The following VWDE variants were observed in gnomAD, a reference collection of about 807,000 sequenced individuals.
The protein encoded by VWDE is von Willebrand factor D and EGF domain-containing protein.
A neutral mutation model predicts 178.4 loss-of-function variants in VWDE; 207 were observed. That is an observed-to-expected ratio of 1.16 (90% CI 1.04 to 1.30). VWDE has a LOEUF of 1.30. Ranked by LOEUF, VWDE falls within the 50% of genes most tolerant of loss-of-function variation. The pLI, the probability that VWDE is intolerant of heterozygous loss-of-function variation, is 0.00. For missense variants in VWDE, 2,287 were observed against 1,901.3 expected, an observed-to-expected ratio of 1.20 and a Z score of -3.77; for synonymous variants, 738 against 651.4, an observed-to-expected ratio of 1.13 and a Z score of -2.02.
chr7:12,349,940 T>C (rs1010207630), intron 19 of VWDE, among the ~76,000 whole-genome samples: 5 of 151,710 alleles, frequency 3.3e-5, no homozygotes, highest in African/African-American at 1.2e-4. Context: ...TCTGGCAAAA[T>C]AAAAATGATG....
In VWDE at chr7:12,359,563, T is replaced by C; in HGVS notation, c.3274+15A>G. 2 of 1,481,744 alleles carry C rather than the reference T, an allele frequency of 1.3e-6. No individual in the cohort carries two copies. Among genetic ancestry groups the C allele is most frequent in the East Asian group, 4.9e-5 (2 of 40,432 alleles). 91.8% of individuals were successfully genotyped at this position (1,481,744 alleles called of 1,614,324 possible). A position where few individuals can be genotyped will look rare whatever the true frequency, so the allele number is the denominator to read the frequency against. ...CTTGTATAGGAAATATTTGGATTAA[T>C]AAAGAGTAACTTACTTTCTAAAAAT... On this transcript the variant is annotated intron_variant, in intron 16 of 28. Coordinates refer to ENST00000275358, the MANE Select transcript of VWDE (RefSeq NM_001135924.3).
At chr7:12,398,704 T>C (rs1023610025) in intron 1 of VWDE, among the ~76,000 whole-genome samples, 2 of 152,150 alleles carry the variant, frequency 1.3e-5, no homozygotes, top group African/African-American at 2.4e-5. Context: ...CATGCAGCAC[T>C]ATGAAGCCAT....
intron 5 of VWDE, 150 bp from the exon 6 acceptor site, chr7:12,379,716 T>C (rs1783735045): frequency 7.5e-6 from 4 of 533,424 alleles, no homozygotes; most frequent in Non-Finnish European, 1.2e-5. Context: ...TACTTGATAT[T>C]TCAGAAAAAT....
At chr7:12,355,335 G>A (rs1782173014) in intron 18 of VWDE, among the ~76,000 whole-genome samples, 1 of 150,864 alleles carries the variant, frequency 6.6e-6, no homozygotes, top group African/African-American at 2.4e-5. Context: ...AGAATGGCGT[G>A]AACCCAGGAG....
intron 4 of VWDE, among the ~76,000 whole-genome samples, chr7:12,381,184 TGAAA>T (rs1783836289): frequency 6.6e-6 from 1 of 152,212 alleles, no homozygotes; most frequent in Non-Finnish European, 1.5e-5. Flanking sequence ...TACTCTGGGC[TGAAA>T]GAGTTATTCA....
chr7:12,365,392 TGTGA>T (rs1199336386), intron 13 of VWDE, among the ~76,000 whole-genome samples: 7 of 152,148 alleles, frequency 4.6e-5, no homozygotes, highest in African/African-American at 1.7e-4. Flanking sequence ...ACAATTTTTC[TGTGA>T]GTATCAAGTT....
chr7:12,383,674 C>T, intron 3 of VWDE, 73 bp from the exon 4 acceptor site: 5 of 1,230,728 alleles, frequency 4.1e-6, no homozygotes, highest in Non-Finnish European at 4.6e-6. Flanking sequence ...TCCAAGATGA[C>T]AATTTATTGA....
At chr7:12,348,481 A>G (rs1453234445) in intron 19 of VWDE, among the ~76,000 whole-genome samples, 3 of 149,022 alleles carry the variant, frequency 2.0e-5, no homozygotes, top group East Asian at 2.0e-4. Context: ...AAAAATGCTC[A>G]TCATCACTGG....
intron 19 of VWDE, among the ~76,000 whole-genome samples, chr7:12,350,994 G>C (rs1306208032): frequency 6.6e-6 from 1 of 152,112 alleles, no homozygotes; most frequent in African/African-American, 2.4e-5. Flanking sequence ...AGAGTATTCA[G>C]TAAGGTGACA....
At chr7:12,343,009 C>G in intron 22 of VWDE, 74 bp downstream of exon 22, 1 of 1,121,820 alleles carries the variant, frequency 8.9e-7, no homozygotes, top group South Asian at 1.5e-5. Context: ...GGGTTCATTT[C>G]ACGTAGCATT....
chr7:12,350,277 AAC>A (rs141472899), intron 19 of VWDE, among the ~76,000 whole-genome samples: 2,465 of 152,108 alleles, frequency 0.016, 60 homozygotes, highest in African/African-American at 0.056. Flanking sequence ...TAATTGCATA[AAC>A]ACATAATATG....
At position 12,403,648 on chromosome 7, in the gene VWDE, A is replaced by T; in HGVS notation, c.58+11T>A. The stretch of plus-strand genomic sequence containing the variant: ...CTGCGCGCCCACCCCCGCGCGCCCT[A>T]CCTCGCTTACCTTCCCCCCAGGCCA... On this transcript the variant is annotated intron_variant, in intron 1 of 28. Coordinates refer to ENST00000275358, the MANE Select transcript of VWDE (RefSeq NM_001135924.3). 1 of 1,539,966 alleles carries T rather than the reference A, an allele frequency of 6.5e-7. No individual in the cohort carries two copies. The highest frequency in any genetic ancestry group is 8.7e-7 in the Non-Finnish European group (1 of 1,144,692).
intron 3 of VWDE, 198 bp downstream of exon 3, chr7:12,388,929 G>A (rs1244027390): frequency 4.2e-6 from 3 of 707,594 alleles, no homozygotes; most frequent in Non-Finnish European, 7.9e-6. Context: ...TTCACGTGTG[G>A]GGGGACTTTA....
chr7:12,399,997 G>C (rs1192758581), intron 1 of VWDE, among the ~76,000 whole-genome samples: 6 of 151,982 alleles, frequency 3.9e-5, no homozygotes, highest in Admixed American at 6.6e-5. Context: ...AAATGAAAAA[G>C]AAAATTAGAA....
At chr7:12,340,298 T>C (rs1466805394) in intron 24 of VWDE, 24 bp downstream of exon 24, 1 of 1,523,554 alleles carries the variant, frequency 6.6e-7, no homozygotes, top group Non-Finnish European at 8.9e-7. Flanking sequence ...TTGCCCTTTT[T>C]ACATACAAAG....
chr7:12,374,921 T>G, intron 8 of VWDE, 89 bp downstream of exon 8: 1 of 1,335,644 alleles, frequency 7.5e-7, no homozygotes, highest in Non-Finnish European at 1.0e-6. Flanking sequence ...CAAAAAATTT[T>G]TTACATAAAA....
intron 9 of VWDE, among the ~76,000 whole-genome samples, chr7:12,373,594 C>A (rs1486174202): frequency 6.6e-6 from 1 of 152,202 alleles, no homozygotes; most frequent in Non-Finnish European, 1.5e-5. Context: ...CTCTTTTCAG[C>A]CTTCCCTTTC....
Position 12,372,961 on chromosome 7 carries a change from A to G in VWDE, c.1587+16T>C, listed in dbSNP as rs757920564. 6.5e-7 allele frequency: 1 copy of G among 1,543,076 alleles called. No homozygotes were observed. Among genetic ancestry groups the G allele is most frequent in the Non-Finnish European group, 8.7e-7 (1 of 1,143,728 alleles). On this transcript the variant is annotated intron_variant, in intron 10 of 28. Coordinates refer to ENST00000275358, the MANE Select transcript of VWDE (RefSeq NM_001135924.3). ...AAAAAGGAAAAATACTTTCAATGTTAAAGAATCATACATACTGTGACTTTT... is the reference window on the plus strand; with the variant it reads ...AAAAAGGAAAAATACTTTCAATGTTGAAGAATCATACATACTGTGACTTTT...
intron 28 of VWDE, among the ~76,000 whole-genome samples, chr7:12,332,751 A>G (rs2128543032): frequency 6.6e-6 from 1 of 152,270 alleles, no homozygotes; most frequent in Admixed American, 6.5e-5. Flanking sequence ...GCTCGGAGAA[A>G]ACTATACATA....
Sources: allele counts gnomAD v4.1 joint callset (sites outside exome capture counted in the v4.1 genomes callset), GRCh38; gene constraint gnomAD v4.1.1; transcripts MANE v1.5; gene names NCBI Gene and HGNC (gene_info 2026-07-23, HGNC 2026-07-21).